Variants in SRGAP1 observed in about 807,000 individuals in gnomAD.
SRGAP1 encodes SLIT-ROBO Rho GTPase activating protein 1.
SRGAP1 carries 43 observed loss-of-function variants against 121.9 expected under a neutral mutation model. The ratio of observed to expected loss-of-function variants is 0.35; its 90% confidence interval spans 0.28 to 0.46. The LOEUF (loss-of-function observed/expected upper bound fraction) is 0.46, where lower values mean the gene tolerates loss of function less well. Among genes scored for constraint, SRGAP1 ranks in the 20% least tolerant of loss-of-function variants. The pLI, the probability that SRGAP1 is intolerant of heterozygous loss-of-function variation, is 1.00. For synonymous variants in SRGAP1, 447 were observed against 485.4 expected, an observed-to-expected ratio of 0.92 and a Z score of 1.04; for missense variants, 1,102 against 1,350.9, an observed-to-expected ratio of 0.82 and a Z score of 2.89.
intron 12 of SRGAP1, chr12:64,091,814 C>CCA (rs2136584628): frequency 9.6e-7 from 1 of 1,045,418 alleles, no homozygotes; most frequent in Non-Finnish European, 1.3e-6. Context: ...AATTGTAAGA[C>CCA]TATGATCTAT....
chr12:64,147,305 A>G lies in SRGAP1; in HGVS notation c.*4633A>G, dbSNP rs1199241609. 2 of 395,742 alleles carry G rather than the reference A, an allele frequency of 5.1e-6. No homozygotes were observed. The highest frequency in any genetic ancestry group is 4.1e-5 in the African/African-American group (2 of 48,458). The allele number at this position is 395,742 out of a possible 1,614,324, so 24.5% of individuals were successfully genotyped here. A position where few individuals can be genotyped will look rare whatever the true frequency, so the allele number is the denominator to read the frequency against. The stretch of plus-strand genomic sequence containing the variant: ...TATGTACATGTGAAAGTGCCTTTCT[A>G]TTTTAGAGGAGTTTTAGCCTTGCTC... On this transcript the variant is annotated 3_prime_UTR_variant, in exon 22 of 22. Coordinates refer to ENST00000355086, the MANE Select transcript of SRGAP1 (RefSeq NM_020762.4).
intron 1 of SRGAP1, among the ~76,000 whole-genome samples, chr12:63,908,923 A>G (rs1251121556): frequency 1.3e-5 from 2 of 151,466 alleles, no homozygotes; most frequent in African/African-American, 2.4e-5. Context: ...ACGAAGTCTC[A>G]CTCTGTCACC....
At chr12:64,142,238 T>G in intron 21 of SRGAP1, 57 bp from the exon 22 acceptor site, 3 of 1,560,614 alleles carry the variant, frequency 1.9e-6, no homozygotes, top group Admixed American at 1.9e-5. Flanking sequence ...TGGGTTTCTA[T>G]ACATTAGTAT....
At chr12:64,091,165 G>C (rs1281413447) in intron 11 of SRGAP1, 111 bp from the exon 12 acceptor site, 2 of 556,360 alleles carry the variant, frequency 3.6e-6, no homozygotes, top group Non-Finnish European at 5.8e-6. Context: ...GTGATTGGGG[G>C]AGGGGAAGGA....
At chr12:63,901,729 G>C (rs1034612362) in intron 1 of SRGAP1, among the ~76,000 whole-genome samples, 1 of 152,172 alleles carries the variant, frequency 6.6e-6, no homozygotes, top group Non-Finnish European at 1.5e-5. Flanking sequence ...GAGGAAGAAA[G>C]CTAGACTCTA....
intron 1 of SRGAP1, among the ~76,000 whole-genome samples, chr12:63,934,406 T>C (rs1241798721): frequency 6.6e-6 from 1 of 152,038 alleles, no homozygotes; most frequent in Non-Finnish European, 1.5e-5. Context: ...ATTCCACCTA[T>C]CCGAAGAAAC....
intron 1 of SRGAP1, among the ~76,000 whole-genome samples, chr12:63,952,576 T>G (rs2136367559): frequency 6.6e-6 from 1 of 152,270 alleles, no homozygotes; most frequent in Middle Eastern, 3.4e-3. Context: ...TGAGCCTTCC[T>G]TCTGATTTCT....
At position 63,956,087 on chromosome 12, in the gene SRGAP1, G is replaced by A. The variant is rs140559526; in HGVS notation, c.68-27860G>A. ...AGTGATTTCTTTTTTTTGAGACAGG[G>A]TCTAGGTCTGTCACCCAGGCTGGAG... On this transcript the variant is annotated intron_variant, in intron 1 of 21. Transcript: ENST00000355086. Among the ~76,000 whole-genome samples the A allele has an allele frequency of 1.3e-3, 195 of 152,210 alleles. 2 individuals are homozygous for A. The highest frequency in any genetic ancestry group is 0.011 in the Admixed American group (164 of 15,288).
intron 10 of SRGAP1, chr12:64,081,204 TAA>T (rs1175548545): frequency 2.0e-5 from 3 of 152,040 alleles, no homozygotes; most frequent in Non-Finnish European, 4.4e-5. Flanking sequence ...TTAGAAAAAG[TAA>T]AAGAGAATGT....
intron 3 of SRGAP1, among the ~76,000 whole-genome samples, chr12:64,014,051 G>T (rs2034330826): frequency 6.6e-6 from 1 of 152,164 alleles, no homozygotes; most frequent in Admixed American, 6.5e-5. Flanking sequence ...TAATTATGGT[G>T]TATTCACTGT....
chr12:64,126,507 A>G (rs1477328510), intron 19 of SRGAP1, among the ~76,000 whole-genome samples: 2 of 152,240 alleles, frequency 1.3e-5, no homozygotes, highest in Non-Finnish European at 2.9e-5. Flanking sequence ...GATTCCCCAG[A>G]GGAAGGACAC....
At chr12:63,927,498 C>T (rs1183999794) in intron 1 of SRGAP1, among the ~76,000 whole-genome samples, 9 of 152,220 alleles carry the variant, frequency 5.9e-5, no homozygotes, top group Admixed American at 1.3e-4. Context: ...TCTGACCCCA[C>T]TTTCTCTTAA....
intron 8 of SRGAP1, among the ~76,000 whole-genome samples, chr12:64,069,962 C>A (rs1489185456): frequency 6.6e-6 from 1 of 152,148 alleles, no homozygotes; most frequent in Non-Finnish European, 1.5e-5. Context: ...CGGTTGAACT[C>A]CTGGGCTCAA....
In SRGAP1 at chr12:64,104,418, T is replaced by C. The variant is rs190981000; in HGVS notation, c.1814-4514T>C. On this transcript the variant is annotated intron_variant, in intron 15 of 21. Coordinates refer to ENST00000355086, the MANE Select transcript of SRGAP1 (RefSeq NM_020762.4). ...CAAGAAATCCAAGTGAAATACTGAT[T>C]TTCCCCACTGACAACTTTTCTGAGG... Among the ~76,000 whole-genome samples the C allele has an allele frequency of 3.3e-5, 5 of 152,294 alleles. No individual in the cohort carries two copies. In the East Asian group the frequency reaches 9.7e-4, roughly 29 times the overall value.
intron 1 of SRGAP1, among the ~76,000 whole-genome samples, chr12:63,940,886 G>A (rs577884190): frequency 2.6e-5 from 4 of 152,186 alleles, no homozygotes; most frequent in South Asian, 2.1e-4. Flanking sequence ...AGTGGAGGCC[G>A]CCTAAAAACA....
intron 4 of SRGAP1, among the ~76,000 whole-genome samples, chr12:64,020,101 A>C (rs948196869): frequency 3.3e-5 from 5 of 152,210 alleles, no homozygotes; most frequent in African/African-American, 1.2e-4. Context: ...CTTACCCCAG[A>C]ATATTGCTCC....
At chr12:64,095,095 G>T in intron 13 of SRGAP1, 32 bp from the exon 14 acceptor site, 1 of 1,611,494 alleles carries the variant, frequency 6.2e-7, no homozygotes, top group Non-Finnish European at 8.5e-7. Context: ...TGTGATGGGG[G>T]TTTTATCCTC....
intron 8 of SRGAP1, among the ~76,000 whole-genome samples, chr12:64,065,690 A>G (rs919035969): frequency 4.6e-5 from 7 of 152,194 alleles, no homozygotes; most frequent in Non-Finnish European, 7.3e-5. Flanking sequence ...GATTACAGGC[A>G]TGAGCCATTA....
At chr12:64,139,487 G>A (rs2036922175) in intron 21 of SRGAP1, among the ~76,000 whole-genome samples, 1 of 151,960 alleles carries the variant, frequency 6.6e-6, no homozygotes, top group Admixed American at 6.6e-5. Flanking sequence ...TTCTCTGATG[G>A]CCAGTGATGA....
Sources: allele counts gnomAD v4.1 joint callset (sites outside exome capture counted in the v4.1 genomes callset), GRCh38; gene constraint gnomAD v4.1.1; transcripts MANE v1.5; gene names NCBI Gene and HGNC (gene_info 2026-07-23, HGNC 2026-07-21).